CTNNA3: variants seen among roughly 807,000 people sequenced by gnomAD.
CTNNA3 encodes catenin alpha 3.
Under a neutral mutation model 95.7 loss-of-function variants are expected in CTNNA3, and 76 were observed. The ratio of observed to expected loss-of-function variants is 0.79; its 90% CI spans 0.66 to 0.96. CTNNA3 has a LOEUF of 0.96. CTNNA3 is among the 40% of genes least tolerant of loss of function. CTNNA3 has a pLI of 0.00. For synonymous variants in CTNNA3, 431 were observed against 374.4 expected (o/e 1.15, Z -1.74); for missense variants, 1,191 against 1,089.8 (o/e 1.09, Z -1.31).
intron 7 of CTNNA3, among the ~76,000 whole-genome samples, chr10:66,808,196 A>G (rs531248234): frequency 6.6e-6 from 1 of 152,276 alleles, no homozygotes; most frequent in African/African-American, 2.4e-5. Flanking sequence ...GTGACTGCTA[A>G]GAAGTCAACT....
chr10:67,366,385 T>C (rs527867017), intron 5 of CTNNA3, among the ~76,000 whole-genome samples: 1 of 150,888 alleles, frequency 6.6e-6, no homozygotes, highest in Non-Finnish European at 1.5e-5. Flanking sequence ...GAAAAGAAAT[T>C]CACTGACATT....
chr10:67,555,489 C>T (rs964341212), intron 3 of CTNNA3, among the ~76,000 whole-genome samples: 3 of 152,014 alleles, frequency 2.0e-5, no homozygotes, highest in Non-Finnish European at 4.4e-5. Flanking sequence ...AAGTTGGATT[C>T]CTAGGTATTT....
Position 67,143,425 on chromosome 10 carries a change from T to TAAAAAAAAAA in CTNNA3, c.1047+36882_1047+36891dup, listed in dbSNP as rs61603392. Among the ~76,000 whole-genome samples, 137 of 75,972 alleles carry TAAAAAAAAAA rather than the reference T, an allele frequency of 1.8e-3. 4 individuals carry two copies. The highest frequency in any genetic ancestry group is 9.1e-3 in the East Asian group (27 of 2,968). The allele number at this position is 75,972 out of a possible 152,430, so 49.8% of individuals were successfully genotyped here. A position where few individuals can be genotyped will look rare whatever the true frequency, so the allele number is the denominator to read the frequency against. ...TGGGTGACTGAGCAAGGCTCTGTCT[T>TAAAAAAAAAA]AAAAAAAAAAAAAAAAAAAAAATTA... On this transcript the variant is annotated intron_variant, in intron 7 of 17. Coordinates refer to ENST00000433211, the MANE Select transcript of CTNNA3 (RefSeq NM_013266.4).
intron 7 of CTNNA3, among the ~76,000 whole-genome samples, chr10:66,868,329 C>T (rs970360166): frequency 6.6e-6 from 1 of 150,968 alleles, no homozygotes; most frequent in Non-Finnish European, 1.5e-5. Context: ...CGCGCCATTG[C>T]ACTCCAGCCT....
chr10:66,374,250 A>T (rs1589156173), intron 12 of CTNNA3, among the ~76,000 whole-genome samples: 1 of 152,188 alleles, frequency 6.6e-6, no homozygotes, highest in East Asian at 1.9e-4. Context: ...TCAAAGGCAA[A>T]GTGAAATAAA....
intron 7 of CTNNA3, among the ~76,000 whole-genome samples, chr10:67,120,578 A>T (rs1015721360): frequency 6.6e-6 from 1 of 152,008 alleles, no homozygotes; most frequent in Non-Finnish European, 1.5e-5. Context: ...CAAATGGAGT[A>T]GTCAAGAAAA....
chr10:67,640,945 G>A (rs950758373), intron 2 of CTNNA3, among the ~76,000 whole-genome samples: 1 of 152,092 alleles, frequency 6.6e-6, no homozygotes, highest in Non-Finnish European at 1.5e-5. Flanking sequence ...ATAGGCATGG[G>A]CAAGGACTTC....
intron 16 of CTNNA3, among the ~76,000 whole-genome samples, chr10:65,971,953 A>T (rs2078113404): frequency 6.6e-6 from 1 of 152,118 alleles, no homozygotes. Context: ...TCAAAAAGTT[A>T]ATTCACTATG....
intron 13 of CTNNA3, among the ~76,000 whole-genome samples, chr10:66,122,628 T>C (rs746291177): frequency 2.6e-5 from 4 of 152,300 alleles, no homozygotes; most frequent in Non-Finnish European, 5.9e-5. Context: ...TCAGAAACCA[T>C]GTGTAAACCA....
intron 13 of CTNNA3, among the ~76,000 whole-genome samples, chr10:66,180,078 G>A (rs951870500): frequency 1.6e-4 from 24 of 152,150 alleles, no homozygotes; most frequent in African/African-American, 5.6e-4. Context: ...GCATATTATG[G>A]CTGTATGCTG....
At chr10:66,443,023 T>C (rs1241811147) in intron 11 of CTNNA3, among the ~76,000 whole-genome samples, 1 of 152,120 alleles carries the variant, frequency 6.6e-6, no homozygotes, top group Non-Finnish European at 1.5e-5. Context: ...CGCATATGGC[T>C]CAGAGGGTCC....
chr10:67,600,035 G>C (rs531871294), intron 3 of CTNNA3, among the ~76,000 whole-genome samples: 1 of 152,206 alleles, frequency 6.6e-6, no homozygotes, highest in Admixed American at 6.5e-5. Flanking sequence ...GAGCACCTAA[G>C]TAGACCCATA....
chr10:66,609,589 AG>A (rs1417017113), intron 10 of CTNNA3, among the ~76,000 whole-genome samples: 1 of 151,894 alleles, frequency 6.6e-6, no homozygotes, highest in Non-Finnish European at 1.5e-5. Context: ...ATTACTAAAA[AG>A]TCAAAAAATA....
At chr10:65,986,971 C>T (rs947358596) in intron 16 of CTNNA3, among the ~76,000 whole-genome samples, 1 of 151,672 alleles carries the variant, frequency 6.6e-6, no homozygotes, top group Non-Finnish European at 1.5e-5. Context: ...AAAGGATAGT[C>T]AATAAACAGT....
intron 11 of CTNNA3, among the ~76,000 whole-genome samples, chr10:66,410,644 A>G (rs2093096477): frequency 6.6e-6 from 1 of 152,146 alleles, no homozygotes. Context: ...TATTAGGTGT[A>G]TATTGGTTCT....
rs1843602176 is a variant in CTNNA3, at chr10:66,592,997, C to T, written c.1374+28695G>A. Among the ~76,000 whole-genome samples the T allele has an allele frequency of 2.6e-5, 4 of 151,924 alleles. No individual in the cohort carries two copies. In the South Asian group the frequency reaches 8.3e-4, roughly 32 times the overall value. ...CCATTATGGACAATGAAGAAGAAGG[C>T]AAATTCAATAATTTTCAGAATCATG... On this transcript the variant is annotated intron_variant, in intron 10 of 17. Coordinates refer to ENST00000433211, the MANE Select transcript of CTNNA3 (RefSeq NM_013266.4).
intron 11 of CTNNA3, among the ~76,000 whole-genome samples, chr10:66,476,949 C>T (rs1451060868): frequency 1.3e-5 from 2 of 152,068 alleles, no homozygotes; most frequent in Admixed American, 6.6e-5. Context: ...CACTGACTAT[C>T]AAACATTCAA....
At chr10:66,318,941 T>C (rs1470679514) in intron 12 of CTNNA3, among the ~76,000 whole-genome samples, 1 of 152,000 alleles carries the variant, frequency 6.6e-6, no homozygotes. Context: ...CAGTACCCTT[T>C]CCCTATTACT....
chr10:66,718,862 C>T (rs568718955), intron 9 of CTNNA3, among the ~76,000 whole-genome samples: 1 of 152,172 alleles, frequency 6.6e-6, no homozygotes, highest in South Asian at 2.1e-4. Flanking sequence ...ATGTCACTGA[C>T]AATTGTTTGT....
Sources: gnomAD v4.1 joint callset for allele counts (sites outside exome capture counted in the v4.1 genomes callset) on GRCh38, gnomAD v4.1.1 for gene constraint, MANE v1.5 for transcripts, NCBI Gene and HGNC (gene_info 2026-07-23, HGNC 2026-07-21) for gene names.